ABCD4: variants seen among roughly 807,000 people sequenced by gnomAD.
ABCD4 encodes the protein lysosomal cobalamin transporter ABCD4.
In ABCD4, 53 loss-of-function variants were observed where a neutral mutation model predicts 86.3. The ratio of observed to expected loss-of-function variants is 0.61; its 90% CI spans 0.49 to 0.77. The LOEUF (loss-of-function observed/expected upper bound fraction) is 0.77. ABCD4 is among the 30% of genes least tolerant of loss of function. The probability of loss-of-function intolerance (pLI) is 0.00; values close to 1 mark genes in which losing one functional copy is unlikely to be tolerated. For missense variants in ABCD4, 757 were observed against 764.5 expected, an observed-to-expected ratio of 0.99 and a Z score of 0.12; for synonymous variants, 328 against 313.6, an observed-to-expected ratio of 1.05 and a Z score of -0.49.
chr14:74,289,345 G>C, intron 14 of ABCD4, 138 bp downstream of exon 14: 1 of 1,465,420 alleles, frequency 6.8e-7, no homozygotes, highest in Non-Finnish European at 9.0e-7. Context: ...GTCAAAGGAA[G>C]AGGAGAGGAG....
Position 74,286,777 on chromosome 14 carries a change from TC to T in ABCD4, c.1675del (p.Glu559ArgfsTer13). The T allele has an allele frequency of 2.5e-6, 4 of 1,614,104 alleles. No individual in the cohort carries two copies. The highest frequency in any genetic ancestry group is 3.4e-6 in the Non-Finnish European group (4 of 1,180,030). Reference sequence around the variant, plus strand: ...CTGGCCGATGCGATAGAGCTCGCTCTCCACTTCCTCTGTCAGGGCACTGGTG... The same window carrying T: ...CTGGCCGATGCGATAGAGCTCGCTCTCACTTCCTCTGTCAGGGCACTGGTG... ...EATSALTEEV[E>X]SELYRIGQQL... On this transcript the variant is annotated frameshift_variant, in exon 18 of 19. Coordinates refer to ENST00000356924, the MANE Select transcript of ABCD4 (RefSeq NM_005050.4). LOFTEE classifies it high-confidence loss of function.
In ABCD4 at chr14:74,292,561, A is replaced by C; in HGVS notation, c.1018T>G (p.Tyr340Asp). Residue 340 changes from tyrosine to aspartate, a missense_variant, in exon 10 of 19, where the codon TAC (tyrosine) becomes GAC (aspartate). By Grantham distance (160) the Tyr-to-Asp change is radical (BLOSUM62 -3). Coordinates refer to ENST00000356924, the MANE Select transcript of ABCD4 (RefSeq NM_005050.4). ...LSTTLSDVAG[Y>D]THRIGQLRET... ...GGGACACGGCCTCACCTGTGCGTGT[A>C]GCCAGCCACATCTGAGAGCGTCGTG... is the stretch of plus-strand genomic sequence containing the variant. The C allele has an allele frequency of 6.2e-7, 1 of 1,614,038 alleles. No homozygotes were observed. Among genetic ancestry groups the C allele is most frequent in the Non-Finnish European group, 8.5e-7 (1 of 1,179,988 alleles).
rs544721798 is a variant in ABCD4, at chr14:74,297,747, A to C, written c.425+183T>G. 57 of 1,330,658 alleles carry C rather than the reference A, an allele frequency of 4.3e-5. No homozygotes were observed. The South Asian group carries it at 8.2e-4, about 19-fold the overall frequency. The allele number at this position is 1,330,658 out of a possible 1,614,324, so 82.4% of individuals were successfully genotyped here. A position where few individuals can be genotyped will look rare whatever the true frequency, so the allele number is the denominator to read the frequency against. On this transcript the variant is annotated intron_variant, in intron 4 of 18. Coordinates refer to ENST00000356924, the MANE Select transcript of ABCD4 (RefSeq NM_005050.4). ...GCAGGCTTCTTCTTTTTAGCTGCCT[A>C]TTCACAGCCCTGCAGCTTCTCCAGG... is the stretch of plus-strand genomic sequence containing the variant.
At position 74,290,353 on chromosome 14, in the gene ABCD4, T is replaced by C; in HGVS notation, c.1265A>G (p.Asn422Ser). 3.7e-6 allele frequency: 6 copies of C among 1,614,176 alleles called. No homozygotes were observed. The highest frequency in any genetic ancestry group is 3.4e-6 in the Non-Finnish European group (4 of 1,180,026). ...SEGQSLLITG[N>S]TGTGKTSLLR... Reference sequence around the variant, plus strand: ...CAAGGAGGTCTTGCCAGTGCCCGTGTTGCCTGTGATGAGCAGGCTCTGTCC... The same window carrying C: ...CAAGGAGGTCTTGCCAGTGCCCGTGCTGCCTGTGATGAGCAGGCTCTGTCC... Residue 422 changes from asparagine to serine, a missense_variant, in exon 12 of 19, where the codon AAC (asparagine) becomes AGC (serine). Physicochemically the swap from Asn to Ser is conservative, Grantham distance 46. Transcript: ENST00000356924.
chr14:74,299,998 G>A (rs1390391639), intron 2 of ABCD4, 152 bp downstream of exon 2: 1 of 601,530 alleles, frequency 1.7e-6, no homozygotes, highest in Admixed American at 3.1e-5. Flanking sequence ...GGGAGGCAGA[G>A]GTTGCAGTGA....
In ABCD4 at chr14:74,289,181, T is replaced by C. The variant is rs114317891; in HGVS notation, c.1456+302A>G. ...CATGGATGATGCAGGGGTGGGGGCC[T>C]CAGAATGCTGGGCGAAGGCTTTGAA... is the stretch of plus-strand genomic sequence containing the variant. On this transcript the variant is annotated intron_variant, in intron 14 of 18. Transcript: ENST00000356924. The C allele has an allele frequency of 0.012, 14,974 of 1,203,436 alleles. 1,577 individuals are homozygous for C. The African/African-American group carries it at 0.22, about 18-fold the overall frequency. The allele number at this position is 1,203,436 out of a possible 1,614,324, so 74.5% of individuals were successfully genotyped here.
chr14:74,288,639 G>A (rs1369500040), intron 15 of ABCD4, 77 bp downstream of exon 15: 1 of 1,509,192 alleles, frequency 6.6e-7, no homozygotes, highest in Non-Finnish European at 9.1e-7. Context: ...CCCAAGCATA[G>A]CAGGGCCAGC....
intron 10 of ABCD4, 61 bp downstream of exon 10, chr14:74,292,490 G>T: frequency 6.3e-7 from 1 of 1,597,312 alleles, no homozygotes; most frequent in Non-Finnish European, 8.6e-7. Context: ...TTTTCACTCA[G>T]CCACTTCTGC....
chr14:74,300,812 A>G (rs1439225887), intron 1 of ABCD4, among the ~76,000 whole-genome samples: 1 of 152,098 alleles, frequency 6.6e-6, no homozygotes, highest in Non-Finnish European at 1.5e-5. Flanking sequence ...AAGTTAGAAG[A>G]CTTGGAGGTG....
intron 17 of ABCD4, 58 bp downstream of exon 17, chr14:74,287,752 G>A: frequency 6.6e-7 from 1 of 1,503,760 alleles, no homozygotes; most frequent in Non-Finnish European, 9.1e-7. Context: ...AACACATGCT[G>A]CTACACCCGT....
chr14:74,286,828 G>C lies in ABCD4; in HGVS notation c.1637-12C>G. 6.2e-7 allele frequency: 1 copy of C among 1,612,078 alleles called. No individual in the cohort carries two copies. The highest frequency in any genetic ancestry group is 8.5e-7 in the Non-Finnish European group (1 of 1,178,660). ...GGCTTCATCAAGCACTGAGGGGGCA[G>C]AGCACAGAGGAAGAGATCAAAGCCC... On this transcript the variant is annotated splice_polypyrimidine_tract_variant and intron_variant, in intron 17 of 18. Coordinates refer to ENST00000356924, the MANE Select transcript of ABCD4 (RefSeq NM_005050.4).
At position 74,286,443 on chromosome 14, in the gene ABCD4, C is replaced by A. The variant is rs775713556; in HGVS notation, c.*18G>T. 4 of 1,613,512 alleles carry A rather than the reference C, an allele frequency of 2.5e-6. No individual in the cohort carries two copies. In the South Asian group the frequency reaches 4.4e-5, roughly 18 times the overall value. The stretch of plus-strand genomic sequence containing the variant: ...GCCGACCCGCCACAGTGTGGCTCTC[C>A]TTCCAAAAGCCAGAGCTTCATTCCA... On this transcript the variant is annotated 3_prime_UTR_variant, in exon 19 of 19. Transcript: ENST00000356924.
In ABCD4 at chr14:74,289,478, C is replaced by G. The variant is rs1379834712; in HGVS notation, c.1456+5G>C. ...GAGGACATGACCTAAGGAGGACCAGCTCACCTGAGTCGGGGTAGACCTCCT... is the reference window on the plus strand; with the variant it reads ...GAGGACATGACCTAAGGAGGACCAGGTCACCTGAGTCGGGGTAGACCTCCT... On this transcript the variant is annotated splice_donor_5th_base_variant and intron_variant, in intron 14 of 18. Coordinates refer to ENST00000356924, the MANE Select transcript of ABCD4 (RefSeq NM_005050.4). 3.1e-6 allele frequency: 5 copies of G among 1,613,926 alleles called. No homozygotes were observed. Among genetic ancestry groups the G allele is most frequent in the Non-Finnish European group, 4.2e-6 (5 of 1,179,960 alleles).
chr14:74,288,150 G>A (rs904747928), intron 16 of ABCD4, 57 bp downstream of exon 16: 6 of 1,581,696 alleles, frequency 3.8e-6, no homozygotes, highest in Non-Finnish European at 5.2e-6. Context: ...CAGGGACCCT[G>A]AAACCCACTG....
chr14:74,302,773 G>C, intron 1 of ABCD4, 102 bp downstream of exon 1: 7 of 1,276,996 alleles, frequency 5.5e-6, no homozygotes, highest in Non-Finnish European at 7.2e-6. Flanking sequence ...GGGGCGAGAC[G>C]GGGGCGCCAG....
At chr14:74,296,188 A>T (rs1448661283) in intron 5 of ABCD4, 145 bp downstream of exon 5, 2 of 1,096,568 alleles carry the variant, frequency 1.8e-6, no homozygotes, top group Non-Finnish European at 2.7e-6. Flanking sequence ...AAGGAAGGGC[A>T]GGGGCCTGAG....
In ABCD4 at chr14:74,302,891, G is replaced by T. The variant is rs769411397; in HGVS notation, c.22C>A (p.Pro8Thr). 6.2e-7 allele frequency: 1 copy of T among 1,607,432 alleles called. No homozygotes were observed. The highest frequency in any genetic ancestry group is 1.1e-5 in the South Asian group (1 of 89,998). The change falls in exon 1 of 19, where the codon CCC becomes ACC. Residue 8 changes from proline to threonine, a missense_variant. Coordinates refer to ENST00000356924, the MANE Select transcript of ABCD4 (RefSeq NM_005050.4). MAVAGPA[P>T]GAGARPRLDL... Reference sequence around the variant, plus strand: ...CCTGCTTACCTGGCGCCAGCTCCGGGCGCGGGCCCCGCGACCGCCATGACC... The same window carrying T: ...CCTGCTTACCTGGCGCCAGCTCCGGTCGCGGGCCCCGCGACCGCCATGACC...
chr14:74,292,957 G>A (rs561711689), intron 8 of ABCD4, 88 bp from the exon 9 acceptor site: 3 of 1,581,614 alleles, frequency 1.9e-6, no homozygotes, highest in East Asian at 2.2e-5. Context: ...AGGACGCCAA[G>A]TAGGGCCACG....
rs532171444 is a variant in ABCD4 at position 74,296,535 on chromosome 14, C to T, written c.426-86G>A. ...AAGAAACTTTCACATCACCTCTGCT[C>T]TTGACCTTGCCTCACAGTGCTGTGA... is the stretch of plus-strand genomic sequence containing the variant. On this transcript the variant is annotated intron_variant, in intron 4 of 18. Transcript: ENST00000356924. 16 of 1,244,678 alleles carry T rather than the reference C, an allele frequency of 1.3e-5. No homozygotes were observed. In the East Asian group the frequency reaches 2.1e-4, roughly 16 times the overall value. 77.1% of individuals were successfully genotyped at this position (1,244,678 alleles called of 1,614,324 possible).
Sources: allele counts gnomAD v4.1 joint callset (sites outside exome capture counted in the v4.1 genomes callset), GRCh38; gene constraint gnomAD v4.1.1; transcripts MANE v1.5; gene names NCBI Gene and HGNC (gene_info 2026-07-23, HGNC 2026-07-21).